KIF13B: variants seen among roughly 807,000 people sequenced by gnomAD.
KIF13B encodes the protein kinesin family member 13B.
In KIF13B, 127 loss-of-function variants were observed where a neutral mutation model predicts 222.0. That is an observed-to-expected ratio of 0.57 (90% confidence interval 0.50 to 0.66). The LOEUF (loss-of-function observed/expected upper bound fraction) is 0.66. KIF13B is among the 30% of genes least tolerant of loss of function. KIF13B has a pLI of 0.00. For synonymous variants in KIF13B, 976 were observed against 919.0 expected, an observed-to-expected ratio of 1.06 and a Z score of -1.12; for missense variants, 2,173 against 2,379.0, an observed-to-expected ratio of 0.91 and a Z score of 1.80.
At chr8:29,169,052 C>T (rs1048550520) in intron 10 of KIF13B, among the ~76,000 whole-genome samples, 2 of 152,184 alleles carry the variant, frequency 1.3e-5, no homozygotes, top group Non-Finnish European at 2.9e-5. Context: ...GGGAAACTCA[C>T]TAGAGCATAA....
rs1233360226 is a variant in KIF13B, at chr8:29,070,773, G to A, written c.5219-7C>T. 1 of 1,585,220 alleles carries A rather than the reference G, an allele frequency of 6.3e-7. No homozygotes were observed. Among genetic ancestry groups the A allele is most frequent in the Admixed American group, 1.8e-5 (1 of 56,102 alleles). ...ATGGAACCGTCATTCTTACCTGCGG[G>A]GGAAGGAGAGGGTGATATGGAGGGC... On this transcript the variant is annotated splice_polypyrimidine_tract_variant and splice_region_variant and intron_variant, in intron 39 of 39. Transcript: ENST00000524189. This position sits in a 1 kb window ranked among gnomAD's most constrained non-coding sequence, Gnocchi z 4.1.
At chr8:29,089,666 G>C (rs1170138945) in intron 37 of KIF13B, among the ~76,000 whole-genome samples, 1 of 152,096 alleles carries the variant, frequency 6.6e-6, no homozygotes, top group African/African-American at 2.4e-5. Flanking sequence ...GGCTGAGGCG[G>C]GTAGATCATT....
intron 24 of KIF13B, 129 bp from the exon 25 acceptor site, chr8:29,127,397 T>G (rs1810161559): frequency 4.7e-6 from 3 of 632,822 alleles, no homozygotes; most frequent in Non-Finnish European, 2.5e-6. Context: ...ACCTTATTGT[T>G]AAGCATTAAA....
chr8:29,070,505 C>T lies in KIF13B; in HGVS notation c.5480G>A (p.Ter1827=). Reference sequence around the variant, plus strand: ...AAAAGTTCGCCCTAAGGCAGCGGCTCAGCTGGCCCAGGATTTCCGGTTCTC... The same window carrying T: ...AAAAGTTCGCCCTAAGGCAGCGGCTTAGCTGGCCCAGGATTTCCGGTTCTC... The part of the protein sequence containing the change: ...NPENRKSWAS[*] Residue 1827 remains the stop codon, a stop_retained_variant, in exon 40 of 40, where the codon TGA becomes TAA. Coordinates refer to ENST00000524189, the MANE Select transcript of KIF13B (RefSeq NM_015254.4). The surrounding 1 kb of genome is among the most constrained non-coding windows in gnomAD (Gnocchi z 4.1). 6.2e-7 allele frequency: 1 copy of T among 1,610,282 alleles called. No homozygotes were observed. The highest frequency in any genetic ancestry group is 8.5e-7 in the Non-Finnish European group (1 of 1,178,672).
At chr8:29,211,915 T>C (rs1482567943) in intron 2 of KIF13B, among the ~76,000 whole-genome samples, 7 of 152,236 alleles carry the variant, frequency 4.6e-5, no homozygotes, top group Admixed American at 1.3e-4. Flanking sequence ...TGACCTACTG[T>C]CTTTTTTCTG....
At position 29,118,854 on chromosome 8, in the gene KIF13B, T is replaced by G; in HGVS notation, c.3660+14A>C. On this transcript the variant is annotated intron_variant, in intron 30 of 39. Coordinates refer to ENST00000524189, the MANE Select transcript of KIF13B (RefSeq NM_015254.4). Reference sequence around the variant, plus strand: ...CACTTTTCATCTGACCATCCCAAGTTAGGCTTTCCTTACCTCCCCATCATG... The same window carrying G: ...CACTTTTCATCTGACCATCCCAAGTGAGGCTTTCCTTACCTCCCCATCATG... The G allele has an allele frequency of 6.2e-7, 1 of 1,613,032 alleles. No homozygotes were observed. Among genetic ancestry groups the G allele is most frequent in the African/African-American group, 1.3e-5 (1 of 75,012 alleles).
intron 36 of KIF13B, among the ~76,000 whole-genome samples, chr8:29,094,091 G>A (rs1203557036): frequency 1.3e-5 from 2 of 152,074 alleles, no homozygotes; most frequent in Non-Finnish European, 1.5e-5. Context: ...ATCAAAGGCC[G>A]CACATATCAC....
intron 6 of KIF13B, among the ~76,000 whole-genome samples, chr8:29,185,058 T>G (rs1400755206): frequency 6.6e-6 from 1 of 152,094 alleles, no homozygotes; most frequent in Non-Finnish European, 1.5e-5. Context: ...CTCAAACTCC[T>G]GGGCTCAAGC....
intron 37 of KIF13B, among the ~76,000 whole-genome samples, chr8:29,076,456 C>G (rs1807563740): frequency 6.6e-6 from 1 of 152,258 alleles, no homozygotes; most frequent in African/African-American, 2.4e-5. Flanking sequence ...GGTGCTTTGG[C>G]TCTTGTGCGT....
At chr8:29,183,379 T>C (rs1365668510) in intron 6 of KIF13B, among the ~76,000 whole-genome samples, 1 of 152,130 alleles carries the variant, frequency 6.6e-6, no homozygotes, top group African/African-American at 2.4e-5. Context: ...CTCGAACTCC[T>C]GACCCCAAGT....
chr8:29,177,621 G>T, intron 8 of KIF13B, 43 bp from the exon 9 acceptor site: 1 of 1,313,816 alleles, frequency 7.6e-7, no homozygotes, highest in Non-Finnish European at 1.1e-6. Flanking sequence ...GGAACACAGG[G>T]CCAGGTGTGG....
chr8:29,201,621 C>A (rs1051467490), intron 2 of KIF13B, among the ~76,000 whole-genome samples: 4 of 152,158 alleles, frequency 2.6e-5, no homozygotes, highest in Admixed American at 2.6e-4. Flanking sequence ...ATCCAAATCC[C>A]ATCATCTCTT....
At chr8:29,250,599 A>G (rs1306881871) in intron 1 of KIF13B, among the ~76,000 whole-genome samples, 1 of 152,220 alleles carries the variant, frequency 6.6e-6, no homozygotes, top group African/African-American at 2.4e-5. Context: ...TTTAATATGT[A>G]AACAACCATC....
intron 29 of KIF13B, among the ~76,000 whole-genome samples, chr8:29,122,053 G>A (rs1450604888): frequency 3.9e-5 from 6 of 152,072 alleles, no homozygotes; most frequent in Non-Finnish European, 1.5e-5. Flanking sequence ...AGGAGATCGA[G>A]ACCATCCTGG....
chr8:29,262,118 C>T (rs1013084871), intron 1 of KIF13B, among the ~76,000 whole-genome samples: 18 of 152,116 alleles, frequency 1.2e-4, no homozygotes, highest in African/African-American at 4.1e-4. Context: ...TTATTTAAAG[C>T]AACTCACCCA....
At chr8:29,235,466 A>C (rs756422240) in intron 2 of KIF13B, among the ~76,000 whole-genome samples, 4 of 152,186 alleles carry the variant, frequency 2.6e-5, no homozygotes. Context: ...ATCACCCTTC[A>C]AACTACTATT....
At chr8:29,251,984 T>C (rs189034950) in intron 1 of KIF13B, among the ~76,000 whole-genome samples, 114 of 132,980 alleles carry the variant, frequency 8.6e-4, no homozygotes, top group African/African-American at 3.1e-3. Context: ...TGCTTTGACA[T>C]ACCCATGAGC....
chr8:29,188,349 TAC>T (rs1273220125), intron 5 of KIF13B, among the ~76,000 whole-genome samples, 164 bp downstream of exon 5: 1 of 152,252 alleles, frequency 6.6e-6, no homozygotes, highest in Non-Finnish European at 1.5e-5. Flanking sequence ...CTAATTTTAT[TAC>T]ACTCATTTTA....
At chr8:29,153,003 T>A (rs1222550343) in intron 14 of KIF13B, among the ~76,000 whole-genome samples, 1 of 152,260 alleles carries the variant, frequency 6.6e-6, no homozygotes, top group Admixed American at 6.5e-5. Flanking sequence ...CTTGCTTTAC[T>A]ATGATATTTG....
Sources: allele counts gnomAD v4.1 joint callset (sites outside exome capture counted in the v4.1 genomes callset), GRCh38; gene constraint gnomAD v4.1.1; non-coding constraint Gnocchi (gnomAD v3.1); transcripts MANE v1.5; gene names NCBI Gene and HGNC (gene_info 2026-07-23, HGNC 2026-07-21).